TWSG1: variants seen among roughly 807,000 people sequenced by gnomAD.
TWSG1 encodes twisted gastrulation protein homolog 1.
In TWSG1, 15 loss-of-function variants were observed where a neutral mutation model predicts 23.0. The observed-to-expected ratio is 0.65, with a 90% confidence interval of 0.44 to 1.00. The LOEUF (loss-of-function observed/expected upper bound fraction) is 1.00, where lower values mean the gene tolerates loss of function less well. Among genes scored for constraint, TWSG1 ranks in the 50% least tolerant of loss-of-function variants. TWSG1 has a pLI of 0.00. For synonymous variants in TWSG1, 86 were observed against 92.8 expected, an observed-to-expected ratio of 0.93 and a Z score of 0.42; for missense variants, 242 against 278.7, an observed-to-expected ratio of 0.87 and a Z score of 0.94.
chr18:9,360,736 C>T (rs556238399), intron 3 of TWSG1, among the ~76,000 whole-genome samples: 13 of 152,242 alleles, frequency 8.5e-5, no homozygotes, highest in Non-Finnish European at 1.5e-4. Context: ...ATCTTTTTTA[C>T]ATTATCCTTT....
At chr18:9,382,791 A>C (rs2040663742) in intron 3 of TWSG1, among the ~76,000 whole-genome samples, 1 of 138,936 alleles carries the variant, frequency 7.2e-6, no homozygotes, top group South Asian at 2.7e-4. Flanking sequence ...TGGGTGACAG[A>C]GTAAGACTCC....
Position 9,337,269 on chromosome 18 carries a change from C to A in TWSG1, c.40C>A (p.Leu14Met), listed in dbSNP as rs780627851. Residue 14 changes from leucine (L) to methionine (M), a missense_variant, in exon 2 of 5, where the codon CTG (leucine) becomes ATG (methionine). Physicochemically the swap from Leu to Met is conservative, Grantham distance 15 (BLOSUM62 2). Transcript: ENST00000262120. ...TGTTGCTGTGCTTACTCTAGCCATC[C>A]TGATGTTCCTGACATGGCTTCCAGA... ...HYVAVLTLAI[L>M]MFLTWLPESL... 6.2e-7 allele frequency: 1 copy of A among 1,613,254 alleles called. No homozygotes were observed. Among genetic ancestry groups the A allele is most frequent in the East Asian group, 2.2e-5 (1 of 44,872 alleles).
In TWSG1 at chr18:9,396,442, A is replaced by G. The variant is rs2040736132; in HGVS notation, c.386A>G (p.His129Arg). ...VSFPVAEELS[H>R]HENLVSFLET... ...TTCCCTGTTGCAGAAGAACTTTCACATCATGAGAATCTGGTTTCATTTTTA... is the reference window on the plus strand; with the variant it reads ...TTCCCTGTTGCAGAAGAACTTTCACGTCATGAGAATCTGGTTTCATTTTTA... Residue 129 changes from histidine to arginine, a missense_variant, in exon 4 of 5, where the codon CAT (histidine) becomes CGT (arginine). Transcript: ENST00000262120. 6.2e-7 allele frequency: 1 copy of G among 1,614,088 alleles called. No homozygotes were observed. Among genetic ancestry groups the G allele is most frequent in the African/African-American group, 1.3e-5 (1 of 74,930 alleles).
rs1388698709 is a variant in TWSG1, at chr18:9,401,926, G to C, written c.*2399G>C. The C allele has an allele frequency of 6.6e-6, 1 of 151,996 alleles. No homozygotes were observed. The highest frequency in any genetic ancestry group is 1.5e-5 in the Non-Finnish European group (1 of 67,966). The allele number at this position is 151,996 out of a possible 1,614,324, so 9.4% of individuals were successfully genotyped here. On this transcript the variant is annotated 3_prime_UTR_variant, in exon 5 of 5. Transcript: ENST00000262120. ...TTTTAAATCAGTGGGTATCATAAAA[G>C]CCATATATAAAAGATCCTTTCTTAT...
chr18:9,393,507 T>C (rs1341622146), intron 3 of TWSG1, among the ~76,000 whole-genome samples: 1 of 152,210 alleles, frequency 6.6e-6, no homozygotes, highest in East Asian at 1.9e-4. Context: ...CTATACTCTG[T>C]CTCTGATTCT....
At chr18:9,397,012 C>CT in intron 4 of TWSG1, 5 of 156,054 alleles carry the variant, frequency 3.2e-5, no homozygotes, top group South Asian at 2.1e-4. Flanking sequence ...GAACCGAGAT[C>CT]ACACCACTGC....
chr18:9,387,751 C>T (rs1462430272), intron 3 of TWSG1, among the ~76,000 whole-genome samples: 2 of 120,910 alleles, frequency 1.7e-5, no homozygotes, highest in Admixed American at 9.7e-5. Context: ...GTCTGGGCAA[C>T]AAGAGTGAAA....
intron 3 of TWSG1, among the ~76,000 whole-genome samples, chr18:9,379,395 T>C (rs1489605068): frequency 2.0e-5 from 3 of 152,130 alleles, no homozygotes; most frequent in Non-Finnish European, 2.9e-5. Context: ...GCCATTATCA[T>C]TACCCTTAGC....
chr18:9,356,337 G>A (rs1356971678), intron 2 of TWSG1, among the ~76,000 whole-genome samples: 1 of 152,148 alleles, frequency 6.6e-6, no homozygotes, highest in Non-Finnish European at 1.5e-5. Context: ...TTTTAAATAG[G>A]CCGTTAGTTT....
rs765242873 is a variant in TWSG1, at chr18:9,337,221, T to A, written c.-9T>A. ...CCTGGGAGTTACTGATCATCTTCTT[T>A]GAAGAAACATGAAGTTACACTATGT... is the stretch of plus-strand genomic sequence containing the variant. On this transcript the variant is annotated 5_prime_UTR_variant, in exon 2 of 5. Transcript: ENST00000262120. 2 of 1,609,684 alleles carry A rather than the reference T, an allele frequency of 1.2e-6. No individual in the cohort carries two copies. Among genetic ancestry groups the A allele is most frequent in the Admixed American group, 3.3e-5 (2 of 59,992 alleles).
At chr18:9,369,114 AAC>A (rs1288652277) in intron 3 of TWSG1, among the ~76,000 whole-genome samples, 2 of 99,430 alleles carry the variant, frequency 2.0e-5, no homozygotes, top group Admixed American at 2.5e-4. Flanking sequence ...TCTCAAAACA[AAC>A]AAACAAACAA....
intron 2 of TWSG1, 102 bp from the exon 3 acceptor site, chr18:9,359,870 C>A: frequency 1.3e-6 from 1 of 751,394 alleles, no homozygotes; most frequent in South Asian, 1.8e-5. Context: ...GTGAAGAATA[C>A]ATTACTGTAA....
At chr18:9,340,642 CA>C in intron 2 of TWSG1, among the ~76,000 whole-genome samples, 1 of 152,118 alleles carries the variant, frequency 6.6e-6, no homozygotes, top group East Asian at 1.9e-4. Context: ...GCATTCTGAG[CA>C]GGGCTCTGCG....
At chr18:9,361,626 G>A (rs1373738656) in intron 3 of TWSG1, among the ~76,000 whole-genome samples, 5 of 152,218 alleles carry the variant, frequency 3.3e-5, no homozygotes, top group Admixed American at 3.3e-4. Context: ...GTTGAGGCTG[G>A]GGTATGGGGC....
At chr18:9,398,161 G>A (rs1192352587) in intron 4 of TWSG1, among the ~76,000 whole-genome samples, 1 of 152,014 alleles carries the variant, frequency 6.6e-6, no homozygotes, top group African/African-American at 2.4e-5. Context: ...CTAGATTTTG[G>A]AAAACATTAG....
chr18:9,379,399 C>T (rs113019246), intron 3 of TWSG1, among the ~76,000 whole-genome samples: 6,320 of 152,136 alleles, frequency 0.042, 432 homozygotes, highest in African/African-American at 0.15. Context: ...TTATCATTAC[C>T]CTTAGCAAAC....
intron 1 of TWSG1, 133 bp downstream of exon 1, chr18:9,335,053 G>A (rs2040414868): frequency 6.6e-6 from 1 of 152,664 alleles, no homozygotes; most frequent in Non-Finnish European, 1.5e-5. Context: ...GCCTGGGCCC[G>A]GCTGCGCGGA....
At position 9,337,297 on chromosome 18, in the gene TWSG1, C is replaced by A; in HGVS notation, c.68C>A (p.Ser23Ter). The A allele has an allele frequency of 6.2e-7, 1 of 1,613,696 alleles. No homozygotes were observed. Among genetic ancestry groups the A allele is most frequent in the South Asian group, 1.1e-5 (1 of 91,082 alleles). The change falls in exon 2 of 5, where the codon TCA becomes TAA. Residue 23 changes from serine to a stop codon, truncating the protein, a stop_gained. Coordinates refer to ENST00000262120, the MANE Select transcript of TWSG1 (RefSeq NM_020648.6). LOFTEE classifies it high-confidence loss of function. ...ILMFLTWLPE[S>*]LSCNKALCAS... ...ATGTTCCTGACATGGCTTCCAGAAT[C>A]ACTGAGCTGTAACAAAGCACTCTGT...
intron 2 of TWSG1, among the ~76,000 whole-genome samples, chr18:9,357,626 G>A (rs953612604): frequency 6.6e-5 from 10 of 152,188 alleles, no homozygotes; most frequent in African/African-American, 2.4e-4. Flanking sequence ...CATATCAATA[G>A]CATTCCATTA....
Sources: allele counts gnomAD v4.1 joint callset (sites outside exome capture counted in the v4.1 genomes callset), GRCh38; gene constraint gnomAD v4.1.1; transcripts MANE v1.5; gene names NCBI Gene and HGNC (gene_info 2026-07-23, HGNC 2026-07-21).